Variants in PDHA1 observed in about 807,000 individuals in gnomAD.
PDHA1 encodes the protein pyruvate dehydrogenase E1 subunit alpha 1.
PDHA1 carries 1 observed loss-of-function variant against 33.0 expected under a neutral mutation model. That is an observed-to-expected ratio of 0.03 (90% confidence interval 0.01 to 0.14). The LOEUF (loss-of-function observed/expected upper bound fraction) is 0.14. Ranked by LOEUF, PDHA1 falls within the 10% of genes least tolerant of loss-of-function variation. The pLI is 1.00. For missense variants in PDHA1, 168 were observed against 325.1 expected (o/e 0.52, Z 3.72); for synonymous variants, 123 against 119.2 (o/e 1.03, Z -0.21).
In PDHA1 at chrX:19,361,527, C is replaced by T. The variant is rs760297711; in HGVS notation, c.*1874C>T. On this transcript the variant is annotated 3_prime_UTR_variant, in exon 11 of 11. Coordinates refer to ENST00000422285, the MANE Select transcript of PDHA1 (RefSeq NM_000284.4). ...TGTCTTTGCATCAGCTCCTTGCAGC[C>T]GCAACCAGTCTATAAGCTCTTTATC... The T allele has an allele frequency of 1.7e-6, 2 of 1,211,305 alleles. No homozygotes were observed. The highest frequency in any genetic ancestry group is 1.7e-5 in the African/African-American group (1 of 57,895).
chrX:19,361,051 A>G lies in PDHA1; in HGVS notation c.*1398A>G, dbSNP rs990519199. 16 of 416,214 alleles carry G rather than the reference A, an allele frequency of 3.8e-5. No homozygotes were observed. Among genetic ancestry groups the G allele is most frequent in the African/African-American group, 2.7e-4 (11 of 40,411 alleles). The allele number at this position is 416,214 out of a possible 1,213,427, so 34.3% of individuals were successfully genotyped here. ...ACTCGGGAACAAGAAGGCAGGCTGCAGTTTAAAGAAGGGGGTGGGTCCAGC... is the reference window on the plus strand; with the variant it reads ...ACTCGGGAACAAGAAGGCAGGCTGCGGTTTAAAGAAGGGGGTGGGTCCAGC... On this transcript the variant is annotated 3_prime_UTR_variant, in exon 11 of 11. Transcript: ENST00000422285.
intron 8 of PDHA1, 143 bp from the exon 9 acceptor site, chrX:19,357,509 T>C: frequency 1.8e-6 from 1 of 564,301 alleles, no homozygotes; most frequent in Admixed American, 2.3e-5. Flanking sequence ...AGTCAACCAA[T>C]AAGAAATTCG....
chrX:19,360,730 A>G lies in PDHA1; in HGVS notation c.*1077A>G. On this transcript the variant is annotated 3_prime_UTR_variant, in exon 11 of 11. Coordinates refer to ENST00000422285, the MANE Select transcript of PDHA1 (RefSeq NM_000284.4). ...ATGTAGCGTGGTGGGACACTCTGCC[A>G]CAGCTTAGCTGATTGGTATCAAGCC... 2 of 1,181,996 alleles carry G rather than the reference A, an allele frequency of 1.7e-6. No individual in the cohort carries two copies. Among genetic ancestry groups the G allele is most frequent in the Non-Finnish European group, 2.3e-6 (2 of 870,643 alleles).
Position 19,360,720 on chromosome X carries a change from A to ACACTCTGCCACAGCTT in PDHA1, c.*1068_*1083dup, listed in dbSNP as rs1195731122. 1 of 1,112,495 alleles carries ACACTCTGCCACAGCTT rather than the reference A, an allele frequency of 9.0e-7. No individual in the cohort carries two copies. The highest frequency in any genetic ancestry group is 1.2e-6 in the Non-Finnish European group (1 of 809,491). The allele number at this position is 1,112,495 out of a possible 1,213,427, so 91.7% of individuals were successfully genotyped here. On this transcript the variant is annotated 3_prime_UTR_variant, in exon 11 of 11. Transcript: ENST00000422285. ...TTAACAAAACATGTAGCGTGGTGGG[A>ACACTCTGCCACAGCTT]CACTCTGCCACAGCTTAGCTGATTG...
Position 19,360,724 on chromosome X carries a change from T to A in PDHA1, c.*1071T>A. ...CAAAACATGTAGCGTGGTGGGACAC[T>A]CTGCCACAGCTTAGCTGATTGGTAT... is the stretch of plus-strand genomic sequence containing the variant. On this transcript the variant is annotated 3_prime_UTR_variant, in exon 11 of 11. Coordinates refer to ENST00000422285, the MANE Select transcript of PDHA1 (RefSeq NM_000284.4). The A allele has an allele frequency of 8.6e-7, 1 of 1,156,388 alleles. No individual in the cohort carries two copies. The highest frequency in any genetic ancestry group is 1.2e-6 in the Non-Finnish European group (1 of 847,536).
intron 1 of PDHA1, 22 bp from the exon 2 acceptor site, chrX:19,349,290 T>C: frequency 9.4e-7 from 1 of 1,062,883 alleles, no homozygotes; most frequent in Non-Finnish European, 1.3e-6. Context: ...ACTGATTTGT[T>C]TGTATATTTT....
In PDHA1 at chrX:19,359,758, G is replaced by A; in HGVS notation, c.*105G>A. 1.3e-6 allele frequency: 1 copy of A among 769,558 alleles called. No individual in the cohort carries two copies. The highest frequency in any genetic ancestry group is 3.2e-5 in the East Asian group (1 of 30,814). 63.4% of individuals were successfully genotyped at this position (769,558 alleles called of 1,213,427 possible). On this transcript the variant is annotated 3_prime_UTR_variant, in exon 11 of 11. Transcript: ENST00000422285. ...GTCAATGAAATTCAATGAAATTCTTGGAAACTTCCATTAAGTGTGTAGATT... is the reference window on the plus strand; with the variant it reads ...GTCAATGAAATTCAATGAAATTCTTAGAAACTTCCATTAAGTGTGTAGATT...
At chrX:19,346,044 C>G (rs987441182) in intron 1 of PDHA1, among the ~76,000 whole-genome samples, 2 of 111,864 alleles carry the variant, frequency 1.8e-5, no homozygotes, top group Admixed American at 1.9e-4. Flanking sequence ...CTATAAGTAA[C>G]AAAATAGATC....
Position 19,361,497 on chromosome X carries a change from T to A in PDHA1, c.*1844T>A. On this transcript the variant is annotated 3_prime_UTR_variant, in exon 11 of 11. Coordinates refer to ENST00000422285, the MANE Select transcript of PDHA1 (RefSeq NM_000284.4). ...ATTTCTTTGTTGTAAATTTACCTTT[T>A]CAATTGTCTTTGCATCAGCTCCTTG... The A allele has an allele frequency of 1.7e-6, 2 of 1,208,937 alleles. No individual in the cohort carries two copies. The highest frequency in any genetic ancestry group is 2.2e-6 in the Non-Finnish European group (2 of 892,901).
At chrX:19,355,955 T>C (rs1478957727) in intron 8 of PDHA1, among the ~76,000 whole-genome samples, 198 bp downstream of exon 8, 1 of 111,823 alleles carries the variant, frequency 8.9e-6, no homozygotes, top group African/African-American at 3.3e-5. Context: ...GTTTCTCTCA[T>C]TTGGGGGAAG....
At position 19,360,757 on chromosome X, in the gene PDHA1, T is replaced by C; in HGVS notation, c.*1104T>C. 1 of 1,207,205 alleles carries C rather than the reference T, an allele frequency of 8.3e-7. No individual in the cohort carries two copies. Among genetic ancestry groups the C allele is most frequent in the Non-Finnish European group, 1.1e-6 (1 of 892,347 alleles). On this transcript the variant is annotated 3_prime_UTR_variant, in exon 11 of 11. Transcript: ENST00000422285. ...AGCTTAGCTGATTGGTATCAAGCCT[T>C]GTCTTTGGTTTCTGAGGCCTCCTGA...
intron 10 of PDHA1, 27 bp from the exon 11 acceptor site, chrX:19,359,462 C>T: frequency 1.7e-6 from 2 of 1,187,554 alleles, no homozygotes; most frequent in Non-Finnish European, 2.3e-6. Flanking sequence ...CATTCTAAAA[C>T]CTTTTACACT....
In PDHA1 at chrX:19,353,667, T is replaced by C. The variant is rs778755461; in HGVS notation, c.510+494T>C. ...AGACCTAGTGCTTCATATCCTACCG[T>C]TTGAGAGATGAGTAGATTTGGATGG... On this transcript the variant is annotated intron_variant, in intron 5 of 10. Coordinates refer to ENST00000422285, the MANE Select transcript of PDHA1 (RefSeq NM_000284.4). Among the ~76,000 whole-genome samples, 7 of 111,892 alleles carry C rather than the reference T, an allele frequency of 6.3e-5. No individual in the cohort carries two copies. The South Asian group carries it at 2.6e-3, about 42-fold the overall frequency.
At chrX:19,346,177 A>G (rs903143585) in intron 1 of PDHA1, among the ~76,000 whole-genome samples, 4 of 111,685 alleles carry the variant, frequency 3.6e-5, no homozygotes, top group Admixed American at 1.9e-4. Context: ...ACTGCACTAG[A>G]CTCCTACCAT....
chrX:19,355,750 C>A lies in PDHA1; in HGVS notation c.824C>A (p.Ser275Tyr). The A allele has an allele frequency of 8.3e-7, 1 of 1,198,920 alleles. No homozygotes were observed. Among genetic ancestry groups the A allele is most frequent in the Non-Finnish European group, 1.1e-6 (1 of 883,848 alleles). The change falls in exon 8 of 11, where the codon TCT becomes TAT. Residue 275 changes from serine (S) to tyrosine (Y), a missense_variant. Around this residue, in one of 5 missense-constraint regions of PDHA1, gnomAD observed 27 missense variants for 43.8 expected, o/e 0.62. Coordinates refer to ENST00000422285, the MANE Select transcript of PDHA1 (RefSeq NM_000284.4). ...AGGTTTGCTGCTGCCTATTGTAGAT[C>A]TGGGAAGGTAAGGCTCTAAAGCCCT... ...ATRFAAAYCR[S>Y]GKGPILMELQ...
In PDHA1 at chrX:19,359,493, T is replaced by C; in HGVS notation, c.1013T>C (p.Ile338Thr). ...NLASVEELKE[I>T]DVEVRKEIED... Reference sequence around the variant, plus strand: ...ACACTGTTACCTAATTTTTAGGAAATTGATGTGGAAGTGAGGAAGGAGATT... The same window carrying C: ...ACACTGTTACCTAATTTTTAGGAAACTGATGTGGAAGTGAGGAAGGAGATT... The change falls in exon 11 of 11, where the codon ATT (isoleucine) becomes ACT (threonine). Residue 338 changes from isoleucine (I) to threonine (T), a missense_variant. By Grantham distance (89) the Ile-to-Thr change is moderately conservative. Coordinates refer to ENST00000422285, the MANE Select transcript of PDHA1 (RefSeq NM_000284.4). 2 of 1,208,730 alleles carry C rather than the reference T, an allele frequency of 1.7e-6. No individual in the cohort carries two copies. The highest frequency in any genetic ancestry group is 2.2e-6 in the Non-Finnish European group (2 of 892,860).
intron 1 of PDHA1, 106 bp downstream of exon 1, chrX:19,344,200 A>G (rs1032044625): frequency 2.3e-5 from 16 of 685,997 alleles, no homozygotes; most frequent in East Asian, 1.4e-4. Context: ...GGAAGGCGCC[A>G]GGGGAGCCGG....
At chrX:19,357,834 A>T in intron 9 of PDHA1, 115 bp downstream of exon 9, 1 of 593,230 alleles carries the variant, frequency 1.7e-6, no homozygotes, top group Non-Finnish European at 2.9e-6. Flanking sequence ...CACTTCATGT[A>T]CGCAGTTGTG....
chrX:19,345,572 T>TAAA (rs11318265), intron 1 of PDHA1, among the ~76,000 whole-genome samples: 42 of 30,266 alleles, frequency 1.4e-3, no homozygotes, highest in African/African-American at 2.7e-3. Context: ...CTCCGTATTT[T>TAAA]AAAAAAAAAA....
Sources: allele counts gnomAD v4.1 joint callset (sites outside exome capture counted in the v4.1 genomes callset), GRCh38; gene constraint gnomAD v4.1.1; regional missense constraint gnomAD v4.1.1; transcripts MANE v1.5; gene names NCBI Gene and HGNC (gene_info 2026-07-23, HGNC 2026-07-21).